ERBB4: variants seen among roughly 807,000 people sequenced by gnomAD.
ERBB4 encodes the protein receptor tyrosine-protein kinase erbB-4.
In ERBB4, 42 loss-of-function variants were observed where a neutral mutation model predicts 158.0. That is an observed-to-expected ratio of 0.27 (90% CI 0.21 to 0.34). ERBB4 has a LOEUF of 0.34. Ranked by LOEUF, ERBB4 falls within the 10% of genes least tolerant of loss-of-function variation. The pLI is 1.00. For missense variants in ERBB4, 1,333 were observed against 1,624.1 expected (o/e 0.82, Z 3.08); for synonymous variants, 583 against 558.7 (o/e 1.04, Z -0.61).
At chr2:211,650,756 G>T (rs964854664) in intron 16 of ERBB4, among the ~76,000 whole-genome samples, 69 of 152,178 alleles carry the variant, frequency 4.5e-4, no homozygotes, top group Middle Eastern at 3.4e-3. Context: ...TTAAGAAGAT[G>T]AAATTAATTG....
At chr2:211,642,854 A>C (rs2070648858) in intron 16 of ERBB4, among the ~76,000 whole-genome samples, 1 of 152,186 alleles carries the variant, frequency 6.6e-6, no homozygotes, top group African/African-American at 2.4e-5. Flanking sequence ...GCATAATTCT[A>C]AAATATCTTT....
At chr2:211,878,495 A>G (rs2078571057) in intron 3 of ERBB4, among the ~76,000 whole-genome samples, 1 of 152,226 alleles carries the variant, frequency 6.6e-6, no homozygotes, top group African/African-American at 2.4e-5. Context: ...CTTTTATCAC[A>G]TCAAAAGTCT....
chr2:212,160,424 C>T (rs1363568882), intron 1 of ERBB4, among the ~76,000 whole-genome samples: 1 of 151,986 alleles, frequency 6.6e-6, no homozygotes, highest in Non-Finnish European at 1.5e-5. Context: ...AGAGGGTGAA[C>T]TCTATCCACA....
intron 1 of ERBB4, among the ~76,000 whole-genome samples, chr2:212,158,832 T>C (rs1208466406): frequency 6.6e-6 from 1 of 151,908 alleles, no homozygotes. Context: ...GAATAAGAAA[T>C]GCCTGTCAAA....
intron 2 of ERBB4, among the ~76,000 whole-genome samples, chr2:212,056,084 T>G (rs1270167335): frequency 6.6e-6 from 1 of 152,178 alleles, no homozygotes; most frequent in African/African-American, 2.4e-5. Flanking sequence ...AGTCCTTAAA[T>G]GACCTGATGG....
chr2:211,802,417 A>G (rs2076521385), intron 3 of ERBB4, among the ~76,000 whole-genome samples: 1 of 152,192 alleles, frequency 6.6e-6, no homozygotes, highest in African/African-American at 2.4e-5. Context: ...AAAAGCTATA[A>G]TATTTTGAGA....
chr2:212,382,110 T>C (rs1188815510), intron 1 of ERBB4, among the ~76,000 whole-genome samples: 1 of 150,468 alleles, frequency 6.6e-6, no homozygotes, highest in Non-Finnish European at 1.5e-5. Context: ...ATTATACACA[T>C]ACACACACAT....
At chr2:212,285,704 A>C (rs1166294782) in intron 1 of ERBB4, among the ~76,000 whole-genome samples, 1 of 152,180 alleles carries the variant, frequency 6.6e-6, no homozygotes, top group African/African-American at 2.4e-5. Flanking sequence ...ATATTTTAAG[A>C]GGAGGAAAAA....
intron 3 of ERBB4, among the ~76,000 whole-genome samples, chr2:211,844,303 C>T (rs1439235): frequency 0.19 from 29,150 of 152,062 alleles, 3,115 homozygotes; most frequent in South Asian, 0.33. Flanking sequence ...CCCTTATTAA[C>T]ACCTTCACAT....
At chr2:211,519,602 G>A (rs929588876) in intron 20 of ERBB4, among the ~76,000 whole-genome samples, 1 of 152,024 alleles carries the variant, frequency 6.6e-6, no homozygotes, top group African/African-American at 2.4e-5. Flanking sequence ...GTAGAAAAAT[G>A]TTGCTGAATA....
intron 3 of ERBB4, among the ~76,000 whole-genome samples, chr2:211,864,050 T>G (rs1363945684): frequency 6.6e-6 from 1 of 152,162 alleles, no homozygotes; most frequent in African/African-American, 2.4e-5. Context: ...CCAAGACCAC[T>G]AGGCCTGCCT....
At chr2:211,618,601 G>GTAACCTTGGGT (rs911829337) in intron 19 of ERBB4, among the ~76,000 whole-genome samples, 1 of 152,014 alleles carries the variant, frequency 6.6e-6, no homozygotes, top group African/African-American at 2.4e-5. Context: ...TAACCTTGGG[G>GTAACCTTGGGT]TAACCTTGGG....
chr2:212,118,104 C>A (rs2079624529), intron 2 of ERBB4, among the ~76,000 whole-genome samples: 1 of 152,102 alleles, frequency 6.6e-6, no homozygotes, highest in Non-Finnish European at 1.5e-5. Flanking sequence ...AACATAAAAA[C>A]CATCCCCCAC....
intron 2 of ERBB4, among the ~76,000 whole-genome samples, chr2:211,971,802 AT>A (rs751185288): frequency 7.4e-4 from 112 of 152,120 alleles, no homozygotes; most frequent in Non-Finnish European, 1.3e-3. Flanking sequence ...CAAAAATTAC[AT>A]GATTATTAAT....
intron 2 of ERBB4, among the ~76,000 whole-genome samples, chr2:211,986,655 T>C (rs1380052791): frequency 1.3e-5 from 2 of 152,166 alleles, no homozygotes; most frequent in Admixed American, 1.3e-4. Context: ...GCCTTGGAAT[T>C]CTTTACTGTA....
At chr2:211,421,362 G>C (rs193074335) in intron 24 of ERBB4, among the ~76,000 whole-genome samples, 2 of 151,762 alleles carry the variant, frequency 1.3e-5, no homozygotes, top group Admixed American at 6.6e-5. Flanking sequence ...ATACACTCTA[G>C]TCCAAGGCCC....
At chr2:211,956,282 C>A (rs1465140893) in intron 2 of ERBB4, among the ~76,000 whole-genome samples, 1 of 151,916 alleles carries the variant, frequency 6.6e-6, no homozygotes, top group Non-Finnish European at 1.5e-5. Context: ...TGTTTGGAAA[C>A]CTTTGAATTA....
intron 2 of ERBB4, among the ~76,000 whole-genome samples, chr2:212,088,578 G>T (rs900795727): frequency 1.3e-5 from 2 of 151,986 alleles, no homozygotes; most frequent in African/African-American, 4.8e-5. Flanking sequence ...GTAGTCCCTG[G>T]GTAGCAGCTA....
chr2:211,486,657 T>C (rs1021806074), intron 20 of ERBB4, among the ~76,000 whole-genome samples: 10 of 152,200 alleles, frequency 6.6e-5, no homozygotes, highest in South Asian at 4.1e-4. Flanking sequence ...CTTTATTATT[T>C]ACTATAACCA....
Sources: allele counts gnomAD v4.1 joint callset (sites outside exome capture counted in the v4.1 genomes callset), GRCh38; gene constraint gnomAD v4.1.1; transcripts MANE v1.5; gene names NCBI Gene and HGNC (gene_info 2026-07-23, HGNC 2026-07-21).